Variants in CCDC73 observed in about 807,000 individuals in gnomAD.
CCDC73 encodes the protein coiled-coil domain-containing protein 73.
Under a neutral mutation model 116.5 loss-of-function variants are expected in CCDC73, and 95 were observed. The observed-to-expected ratio is 0.82, with a 90% CI of 0.69 to 0.97. The LOEUF is 0.97. Among genes scored for constraint, CCDC73 ranks in the 50% least tolerant of loss-of-function variants. The probability of loss-of-function intolerance (pLI) is 0.00; values close to 1 mark genes in which losing one functional copy is unlikely to be tolerated. For synonymous variants in CCDC73, 398 were observed against 401.3 expected (o/e 0.99, Z 0.10); for missense variants, 1,066 against 1,206.8 (o/e 0.88, Z 1.73).
At chr11:32,800,870 ATTG>A in the CCDC73 span, among the ~76,000 whole-genome samples, 1 of 152,208 alleles carries the variant, frequency 6.6e-6, no homozygotes. Context: ...GGGCAAAAAA[ATTG>A]TTATCAGGAT....
chr11:32,654,758 G>T, intron 10 of CCDC73, 86 bp downstream of exon 10: 1 of 995,076 alleles, frequency 1.0e-6, no homozygotes, highest in Non-Finnish European at 1.4e-6. Context: ...TTGCAAAGGC[G>T]GAGTATTTTT....
chr11:32,656,654 C>G (rs528988524), intron 9 of CCDC73, among the ~76,000 whole-genome samples: 2 of 152,270 alleles, frequency 1.3e-5, no homozygotes, highest in East Asian at 3.9e-4. Flanking sequence ...CTGTGATATA[C>G]AGTATTCAAA....
At chr11:32,780,006 ACTCACGCCTGTAAC>A (rs1403276666) in intron 1 of CCDC73, among the ~76,000 whole-genome samples, 4 of 152,164 alleles carry the variant, frequency 2.6e-5, no homozygotes, top group African/African-American at 9.7e-5. Flanking sequence ...GGGTGCAGTA[ACTCACGCCTGTAAC>A]CTCAGCACTT....
intron 2 of CCDC73, among the ~76,000 whole-genome samples, chr11:32,735,474 T>G (rs946665468): frequency 1.3e-5 from 2 of 152,204 alleles, no homozygotes; most frequent in African/African-American, 4.8e-5. Flanking sequence ...GTGAAGGAAC[T>G]CTTCAAGAAG....
chr11:32,722,331 C>T (rs1328046798), intron 2 of CCDC73, among the ~76,000 whole-genome samples: 1 of 152,204 alleles, frequency 6.6e-6, no homozygotes, highest in Non-Finnish European at 1.5e-5. Flanking sequence ...AGCTTCCCAA[C>T]ACACATTCCC....
intron 7 of CCDC73, among the ~76,000 whole-genome samples, chr11:32,678,866 G>C (rs1469159557): frequency 2.2e-5 from 3 of 133,640 alleles, no homozygotes; most frequent in Non-Finnish European, 3.1e-5. Flanking sequence ...CTGGGTGACA[G>C]AGCAAGGCTC....
At chr11:32,675,720 G>T in intron 8 of CCDC73, 76 bp from the exon 9 acceptor site, 2 of 1,291,056 alleles carry the variant, frequency 1.5e-6, no homozygotes, top group East Asian at 2.4e-5. Flanking sequence ...AGATAAACAG[G>T]GAAAACAGTA....
chr11:32,737,217 G>T (rs1850140645), intron 2 of CCDC73, among the ~76,000 whole-genome samples: 1 of 141,860 alleles, frequency 7.0e-6, no homozygotes, highest in South Asian at 2.3e-4. Context: ...AATATCTGTG[G>T]GTACATAGTA....
At chr11:32,736,803 C>T (rs1429236918) in intron 2 of CCDC73, among the ~76,000 whole-genome samples, 2 of 151,846 alleles carry the variant, frequency 1.3e-5, no homozygotes, top group African/African-American at 2.4e-5. Flanking sequence ...AAATGTGGCA[C>T]ATATACACCA....
chr11:32,637,015 TTC>T (rs151145617), intron 13 of CCDC73, among the ~76,000 whole-genome samples: 17,313 of 103,840 alleles, frequency 0.17, 1,350 homozygotes, highest in South Asian at 0.22. Context: ...CTTTTTCTTT[TTC>T]TTTTTTTTTT....
At chr11:32,774,931 A>G (rs1426095426) in intron 1 of CCDC73, among the ~76,000 whole-genome samples, 2 of 152,196 alleles carry the variant, frequency 1.3e-5, no homozygotes, top group Non-Finnish European at 2.9e-5. Context: ...CAAATGACAA[A>G]GCAATTAATT....
rs911584571 is a variant in CCDC73 at position 32,762,957 on chromosome 11, C to T, written c.-15-2699G>A. Among the ~76,000 whole-genome samples, 8 of 152,276 alleles carry T rather than the reference C, an allele frequency of 5.3e-5. No homozygotes were observed. The South Asian group carries it at 6.2e-4, about 12-fold the overall frequency. On this transcript the variant is annotated intron_variant, in intron 1 of 17. Transcript: ENST00000335185. ...CGGCACACCAGGAAATTATATCCTG[C>T]GCCTGGCTCGGAGGGTCCCACACCC...
intron 6 of CCDC73, among the ~76,000 whole-genome samples, chr11:32,690,475 C>G (rs1330571089): frequency 6.6e-6 from 1 of 152,156 alleles, no homozygotes; most frequent in African/African-American, 2.4e-5. Flanking sequence ...AATCTCATGT[C>G]AAATTGTAAT....
chr11:32,699,620 C>T (rs960943016), intron 5 of CCDC73, among the ~76,000 whole-genome samples: 1 of 152,146 alleles, frequency 6.6e-6, no homozygotes, highest in Non-Finnish European at 1.5e-5. Context: ...TCTCAGCAAA[C>T]TATCACAAGG....
chr11:32,667,550 G>T (rs1855997462), intron 9 of CCDC73, among the ~76,000 whole-genome samples: 1 of 151,326 alleles, frequency 6.6e-6, no homozygotes, highest in South Asian at 2.1e-4. Context: ...GATTTTCCAG[G>T]TGCCGTCTGT....
chr11:32,636,215 A>G (rs962016866), intron 13 of CCDC73, among the ~76,000 whole-genome samples: 1 of 152,154 alleles, frequency 6.6e-6, no homozygotes, highest in Non-Finnish European at 1.5e-5. Context: ...ATTTATTTAA[A>G]TTCATAAAAA....
At chr11:32,764,310 G>A (rs1850420651) in intron 1 of CCDC73, among the ~76,000 whole-genome samples, 1 of 152,148 alleles carries the variant, frequency 6.6e-6, no homozygotes, top group African/African-American at 2.4e-5. Flanking sequence ...ACACATAATT[G>A]TCAGATTCAC....
chr11:32,734,425 C>CTTTTTTTTTTTTTTTTTTTTTT (rs34093038), intron 2 of CCDC73, among the ~76,000 whole-genome samples: 3 of 131,368 alleles, frequency 2.3e-5, no homozygotes, highest in Non-Finnish European at 3.3e-5. Flanking sequence ...ATTTTTTTTT[C>CTTTTTTTTTTTTTTTTTTTTTT]TTTTTTTTTT....
intron 6 of CCDC73, among the ~76,000 whole-genome samples, chr11:32,690,189 T>C (rs1856242087): frequency 6.6e-6 from 1 of 152,138 alleles, no homozygotes; most frequent in South Asian, 2.1e-4. Flanking sequence ...AAAAAATATA[T>C]TAATTTTCAC....
Sources: gnomAD v4.1 joint callset for allele counts (sites outside exome capture counted in the v4.1 genomes callset) on GRCh38, gnomAD v4.1.1 for gene constraint, MANE v1.5 for transcripts, NCBI Gene and HGNC (gene_info 2026-07-23, HGNC 2026-07-21) for gene names.